The following ALK variants were observed in gnomAD, a reference collection of about 807,000 sequenced individuals.
ALK encodes ALK receptor tyrosine kinase, also known as ALK tyrosine kinase receptor.
In ALK, 74 loss-of-function variants were observed where a neutral mutation model predicts 163.1. The ratio of observed to expected loss-of-function variants is 0.45; its 90% CI spans 0.38 to 0.55. The LOEUF (loss-of-function observed/expected upper bound fraction) is 0.55, where lower values mean the gene tolerates loss of function less well. Among genes scored for constraint, ALK ranks in the 20% least tolerant of loss-of-function variants. ALK has a pLI of 0.00. For synonymous variants in ALK, 960 were observed against 843.2 expected, an observed-to-expected ratio of 1.14 and a Z score of -2.40; for missense variants, 2,063 against 2,105.3, an observed-to-expected ratio of 0.98 and a Z score of 0.39.
chr2:29,847,238 A>G (rs1665870668), intron 1 of ALK, among the ~76,000 whole-genome samples: 1 of 152,130 alleles, frequency 6.6e-6, no homozygotes, highest in African/African-American at 2.4e-5. Flanking sequence ...TGAGCTGCTC[A>G]CCACACAGTT....
chr2:29,680,619 C>G (rs1466625994), intron 3 of ALK, among the ~76,000 whole-genome samples: 1 of 151,890 alleles, frequency 6.6e-6, no homozygotes, highest in East Asian at 1.9e-4. Flanking sequence ...TTTCTTTAAA[C>G]TTTTTTGTTG....
In ALK at chr2:29,239,804, C is replaced by G; in HGVS notation, c.2231G>C (p.Gly744Ala). 3.1e-6 allele frequency: 5 copies of G among 1,613,862 alleles called. No homozygotes were observed. Among genetic ancestry groups the G allele is most frequent in the Non-Finnish European group, 4.2e-6 (5 of 1,179,982 alleles). ...YSISGYGAAG[G>A]KGGKNTMMRS... The stretch of plus-strand genomic sequence containing the variant: ...CATCATGGTGTTCTTCCCGCCTTTC[C>G]CGCCAGCAGCTCCGTAGCCCGAGAT... Residue 744 changes from glycine to alanine, a missense_variant, in exon 13 of 29, where the codon GGG becomes GCG. Physicochemically the swap from Gly to Ala is moderately conservative, Grantham distance 60. Transcript: ENST00000389048.
intron 3 of ALK, among the ~76,000 whole-genome samples, chr2:29,601,820 T>C (rs982336895): frequency 6.6e-6 from 1 of 152,106 alleles, no homozygotes; most frequent in Non-Finnish European, 1.5e-5. Context: ...ATTGTCAGGA[T>C]GCCCCTTACC....
At chr2:29,759,445 G>A (rs753790425) in intron 1 of ALK, among the ~76,000 whole-genome samples, 21 of 152,326 alleles carry the variant, frequency 1.4e-4, no homozygotes, top group African/African-American at 2.2e-4. Context: ...GTGTGCGTGC[G>A]TGCGTGTGTG....
chr2:29,846,873 A>G (rs1665857020), intron 1 of ALK, among the ~76,000 whole-genome samples: 1 of 152,316 alleles, frequency 6.6e-6, no homozygotes. Context: ...ATTTTACAGC[A>G]GAGAAAACAC....
At chr2:29,772,121 G>A (rs1020139072) in intron 1 of ALK, among the ~76,000 whole-genome samples, 1 of 152,200 alleles carries the variant, frequency 6.6e-6, no homozygotes, top group South Asian at 2.1e-4. Context: ...AGGGCTCCAG[G>A]AGAGATTTCT....
chr2:29,485,493 T>A (rs1671757290), intron 4 of ALK, among the ~76,000 whole-genome samples: 1 of 152,254 alleles, frequency 6.6e-6, no homozygotes, highest in African/African-American at 2.4e-5. Flanking sequence ...TTCCTCCCTG[T>A]ATCTATTCAA....
At chr2:29,206,186 T>TCCTC (rs753236232) in intron 26 of ALK, among the ~76,000 whole-genome samples, 1 of 151,518 alleles carries the variant, frequency 6.6e-6, no homozygotes. Context: ...CTTCTTTTCT[T>TCCTC]CCTCCCTCCC....
rs1669089089 is a variant in ALK at position 29,198,891 on chromosome 2, G to A, written c.3939-1215C>T. On this transcript the variant is annotated intron_variant, in intron 26 of 28. Transcript: ENST00000389048. ...TATCAATCAATTTTCTTTTTGATTT[G>A]TAGGCACTCTTTATATGTCAGAGAT... Among the ~76,000 whole-genome samples the A allele has an allele frequency of 3.3e-5, 5 of 151,290 alleles. No homozygotes were observed. In the South Asian group the frequency reaches 1.0e-3, roughly 32 times the overall value.
intron 7 of ALK, among the ~76,000 whole-genome samples, chr2:29,319,370 G>A (rs1666937199): frequency 6.6e-6 from 1 of 152,124 alleles, no homozygotes; most frequent in Non-Finnish European, 1.5e-5. Context: ...AACAAATTCG[G>A]GTGGGTCAAG....
chr2:29,300,223 G>C (rs528515239), intron 8 of ALK, among the ~76,000 whole-genome samples: 1 of 152,088 alleles, frequency 6.6e-6, no homozygotes. Flanking sequence ...CCCAAGAGTG[G>C]AGGAAGGTGG....
intron 3 of ALK, among the ~76,000 whole-genome samples, chr2:29,554,873 T>C (rs990532917): frequency 3.9e-5 from 6 of 152,146 alleles, no homozygotes; most frequent in Admixed American, 1.3e-4. Context: ...AAAACCAAGA[T>C]GGTGACGAGA....
At chr2:29,772,918 A>AG (rs1681066303) in intron 1 of ALK, among the ~76,000 whole-genome samples, 1 of 152,190 alleles carries the variant, frequency 6.6e-6, no homozygotes, top group Admixed American at 6.5e-5. Context: ...ACTTCTGTGT[A>AG]GGGGGAATGA....
At chr2:29,805,671 T>C (rs995405168) in intron 1 of ALK, among the ~76,000 whole-genome samples, 1 of 152,180 alleles carries the variant, frequency 6.6e-6, no homozygotes, top group Non-Finnish European at 1.5e-5. Flanking sequence ...AAGGACATGA[T>C]CTTGTTCTTT....
chr2:29,371,740 C>T (rs1271858578), intron 5 of ALK, among the ~76,000 whole-genome samples: 1 of 152,162 alleles, frequency 6.6e-6, no homozygotes, highest in African/African-American at 2.4e-5. Context: ...TCTCTGGTGT[C>T]ACCTCAGGAT....
intron 25 of ALK, among the ~76,000 whole-genome samples, chr2:29,209,310 G>C (rs1296207305): frequency 6.6e-6 from 1 of 152,140 alleles, no homozygotes; most frequent in Non-Finnish European, 1.5e-5. Flanking sequence ...GGAAGCTGAG[G>C]CGGGCAGATC....
At chr2:29,291,934 G>A (rs987626775) in intron 9 of ALK, among the ~76,000 whole-genome samples, 19 of 152,192 alleles carry the variant, frequency 1.2e-4, no homozygotes, top group African/African-American at 4.6e-4. Flanking sequence ...TGAGAATTCT[G>A]TCGGTGATAA....
intron 4 of ALK, among the ~76,000 whole-genome samples, chr2:29,392,204 A>G (rs901766602): frequency 6.6e-6 from 1 of 152,222 alleles, no homozygotes; most frequent in African/African-American, 2.4e-5. Context: ...AATCTTATTT[A>G]ATTTTCCTAA....
intron 5 of ALK, among the ~76,000 whole-genome samples, chr2:29,377,103 TAC>T (rs1413910126): frequency 2.6e-5 from 4 of 152,216 alleles, no homozygotes; most frequent in African/African-American, 9.6e-5. Context: ...TTAAATAAGA[TAC>T]AGTTAATATA....
Sources: gnomAD v4.1 joint callset for allele counts (sites outside exome capture counted in the v4.1 genomes callset) on GRCh38, gnomAD v4.1.1 for gene constraint, MANE v1.5 for transcripts, NCBI Gene and HGNC (gene_info 2026-07-23, HGNC 2026-07-21) for gene names.